PKD2L2: variants seen among roughly 807,000 people sequenced by gnomAD.
PKD2L2 encodes polycystin-2-like protein 2.
In PKD2L2, 67 loss-of-function variants were observed where a neutral mutation model predicts 83.9. The observed-to-expected ratio is 0.80, with a 90% CI of 0.66 to 0.98. PKD2L2 has a LOEUF of 0.98. PKD2L2 is among the 50% of genes least tolerant of loss of function. The pLI, the probability that PKD2L2 is intolerant of heterozygous loss-of-function variation, is 0.00. For synonymous variants in PKD2L2, 223 were observed against 237.8 expected (o/e 0.94, Z 0.57); for missense variants, 632 against 717.2 (o/e 0.88, Z 1.36).
chr5:137,933,701 T>G (rs1169144392), intron 12 of PKD2L2, among the ~76,000 whole-genome samples: 9 of 152,192 alleles, frequency 5.9e-5, no homozygotes, highest in Admixed American at 1.3e-4. Flanking sequence ...TTTAACAGAA[T>G]GCTGTGGTTT....
chr5:137,894,135 ATGCTTGTAAAG>A (rs982667742), intron 3 of PKD2L2, among the ~76,000 whole-genome samples: 1 of 152,230 alleles, frequency 6.6e-6, no homozygotes, highest in African/African-American at 2.4e-5. Flanking sequence ...CCATAAGTTA[ATGCTTGTAAAG>A]TGCTTAGAGC....
chr5:137,921,710 C>T lies in PKD2L2; in HGVS notation c.1403C>T (p.Pro468Leu), dbSNP rs778890742. 2.5e-6 allele frequency: 4 copies of T among 1,608,430 alleles called. No individual in the cohort carries two copies. Among genetic ancestry groups the T allele is most frequent in the Non-Finnish European group, 3.4e-6 (4 of 1,175,808 alleles). ...GIQQANPILG[P>L]IYFITFIFFV... ...CAGCAAGCCAATCCTATCTTGGGAC[C>T]CATTTACTTCATCACTTTCATCTTT... Residue 468 changes from proline (P) to leucine (L), a missense_variant, in exon 9 of 15, where the codon CCC (proline) becomes CTC (leucine). By Grantham distance (98) the Pro-to-Leu change is moderately conservative. Around this residue, in one of 3 missense-constraint regions of PKD2L2, gnomAD observed 399 missense variants for 416.9 expected, o/e 0.96. Transcript: ENST00000508883.
At chr5:137,918,350 GAGA>G (rs1758568216) in intron 8 of PKD2L2, among the ~76,000 whole-genome samples, 1 of 152,170 alleles carries the variant, frequency 6.6e-6, no homozygotes, top group African/African-American at 2.4e-5. Context: ...AAAAGGAAAA[GAGA>G]AGAATAAAGT....
At chr5:137,908,540 G>A (rs1279065482) in intron 7 of PKD2L2, among the ~76,000 whole-genome samples, 2 of 151,402 alleles carry the variant, frequency 1.3e-5, no homozygotes, top group Non-Finnish European at 2.9e-5. Context: ...GCAGTGAGCC[G>A]AGATCATGCC....
At chr5:137,925,735 A>G in intron 11 of PKD2L2, 140 bp from the exon 12 acceptor site, 1 of 527,000 alleles carries the variant, frequency 1.9e-6, no homozygotes, top group Non-Finnish European at 3.4e-6. Flanking sequence ...GAGCTTGTTA[A>G]TGATCACATT....
At chr5:137,927,517 T>C (rs1759473594) in intron 12 of PKD2L2, among the ~76,000 whole-genome samples, 1 of 152,196 alleles carries the variant, frequency 6.6e-6, no homozygotes, top group Non-Finnish European at 1.5e-5. Flanking sequence ...AAAGGCATCA[T>C]TGGGGCAACT....
chr5:137,906,260 C>T lies in PKD2L2; in HGVS notation c.801C>T (p.Tyr267=). The change falls in exon 6 of 15, where the codon TAC becomes TAT. Residue 267 remains tyrosine, a synonymous_variant. Coordinates refer to ENST00000508883, the MANE Select transcript of PKD2L2 (RefSeq NM_001300921.2). ...GAATACTTACTTCATGGCAGTTTTACTCTGTGAAGCTCCTCAGATATGTTA... is the reference window on the plus strand; with the variant it reads ...GAATACTTACTTCATGGCAGTTTTATTCTGTGAAGCTCCTCAGATATGTTA... ...TGGILTSWQF[Y]SVKLLRYVSY... 1 of 1,612,482 alleles carries T rather than the reference C, an allele frequency of 6.2e-7. No individual in the cohort carries two copies. The highest frequency in any genetic ancestry group is 8.5e-7 in the Non-Finnish European group (1 of 1,178,818).
rs1002013057 is a variant in PKD2L2 at position 137,899,460 on chromosome 5, G to A, written c.525-56G>A. 3.2e-5 allele frequency: 38 copies of A among 1,171,152 alleles called. No homozygotes were observed. The Admixed American group carries it at 7.2e-4, about 22-fold the overall frequency. The allele number at this position is 1,171,152 out of a possible 1,614,324, so 72.5% of individuals were successfully genotyped here. A position where few individuals can be genotyped will look rare whatever the true frequency, so the allele number is the denominator to read the frequency against. ...AACCAAAGATCGATTTAAATTCTTAGAATACTTCTCAGTTGGGCTTTGTCA... is the reference window on the plus strand; with the variant it reads ...AACCAAAGATCGATTTAAATTCTTAAAATACTTCTCAGTTGGGCTTTGTCA... On this transcript the variant is annotated intron_variant, in intron 4 of 14. Transcript: ENST00000508883.
intron 12 of PKD2L2, among the ~76,000 whole-genome samples, chr5:137,928,383 C>CAAAAAAAAAAAA (rs57825667): frequency 9.0e-6 from 1 of 111,492 alleles, no homozygotes; most frequent in African/African-American, 3.4e-5. Flanking sequence ...ACAAAAAGTA[C>CAAAAAAAAAAAA]AAAAAAAAAA....
Position 137,908,915 on chromosome 5 carries a change from G to A in PKD2L2, c.1297G>A (p.Val433Ile), listed in dbSNP as rs201043281. The change falls in exon 8 of 15, where the codon GTT (valine) becomes ATT (isoleucine). Residue 433 changes from valine to isoleucine, a missense_variant. Physicochemically the swap from Val to Ile is conservative, Grantham distance 29. Coordinates refer to ENST00000508883, the MANE Select transcript of PKD2L2 (RefSeq NM_001300921.2). Reference sequence around the variant, plus strand: ...AGGATTTCTTGTTTTTGGATCACAAGTTGATGACTTTTCCACTTTTCAGAA... The same window carrying A: ...AGGATTTCTTGTTTTTGGATCACAAATTGATGACTTTTCCACTTTTCAGAA... ...QLGFLVFGSQ[V>I]DDFSTFQNSI... 215 of 1,608,198 alleles carry A rather than the reference G, an allele frequency of 1.3e-4. No homozygotes were observed. The African/African-American group carries it at 2.4e-3, about 18-fold the overall frequency.
intron 8 of PKD2L2, among the ~76,000 whole-genome samples, chr5:137,909,190 G>A (rs893598202): frequency 6.6e-6 from 1 of 151,816 alleles, no homozygotes. Context: ...GCACCACCAC[G>A]CTTGGTTGAT....
intron 12 of PKD2L2, among the ~76,000 whole-genome samples, chr5:137,933,339 G>A (rs1222752798): frequency 6.6e-6 from 1 of 152,136 alleles, no homozygotes; most frequent in Non-Finnish European, 1.5e-5. Flanking sequence ...TAAAAAGGGA[G>A]AAGCAAAGTC....
chr5:137,921,350 G>C (rs1758878635), intron 8 of PKD2L2, among the ~76,000 whole-genome samples: 1 of 118,766 alleles, frequency 8.4e-6, no homozygotes, highest in Admixed American at 9.9e-5. Flanking sequence ...GACAGAGTTT[G>C]ACTGTCTCAA....
intron 5 of PKD2L2, 102 bp from the exon 6 acceptor site, chr5:137,906,104 T>A: frequency 1.5e-6 from 1 of 667,600 alleles, no homozygotes. Context: ...AAAAACTGAT[T>A]ATCATTAAAG....
At chr5:137,934,785 C>G (rs1470013609) in intron 12 of PKD2L2, among the ~76,000 whole-genome samples, 1 of 152,116 alleles carries the variant, frequency 6.6e-6, no homozygotes, top group Non-Finnish European at 1.5e-5. Flanking sequence ...TAAGATTGTG[C>G]CACTGCACTG....
At position 137,942,270 on chromosome 5, in the gene PKD2L2, A is replaced by G. The variant is rs1424763772; in HGVS notation, c.*18-114A>G. The stretch of plus-strand genomic sequence containing the variant: ...GGGCTCAGAACCAGTGACATACACC[A>G]TATCATCCAAAGGTAAAGAAGTGGA... On this transcript the variant is annotated intron_variant, in intron 14 of 14. Coordinates refer to ENST00000508883, the MANE Select transcript of PKD2L2 (RefSeq NM_001300921.2). 23 of 537,088 alleles carry G rather than the reference A, an allele frequency of 4.3e-5. No homozygotes were observed. In the East Asian group the frequency reaches 4.7e-4, roughly 11 times the overall value. The allele number at this position is 537,088 out of a possible 1,614,324, so 33.3% of individuals were successfully genotyped here.
intron 5 of PKD2L2, among the ~76,000 whole-genome samples, chr5:137,900,997 C>T (rs1303290216): frequency 2.0e-5 from 3 of 151,850 alleles, no homozygotes; most frequent in African/African-American, 2.4e-5. Context: ...ATTAGCCGGG[C>T]GTGGTGGCAC....
In PKD2L2 at chr5:137,921,772, A is replaced by G. The variant is rs1561698635; in HGVS notation, c.1449+16A>G. The G allele has an allele frequency of 3.2e-6, 5 of 1,543,798 alleles. No homozygotes were observed. The highest frequency in any genetic ancestry group is 3.4e-4 in the Middle Eastern group (2 of 5,882). Reference sequence around the variant, plus strand: ...TGTCCTGCTGGTAAGAATAATACATATTCCTTTCATTTCTTACTTTTTAGA... The same window carrying G: ...TGTCCTGCTGGTAAGAATAATACATGTTCCTTTCATTTCTTACTTTTTAGA... On this transcript the variant is annotated intron_variant, in intron 9 of 14. Transcript: ENST00000508883.
At chr5:137,903,068 T>C (rs1757094471) in intron 5 of PKD2L2, among the ~76,000 whole-genome samples, 2 of 152,196 alleles carry the variant, frequency 1.3e-5, no homozygotes, top group South Asian at 4.1e-4. Flanking sequence ...TTTACAGAGT[T>C]CAGTTGATCC....
Sources: allele counts gnomAD v4.1 joint callset (sites outside exome capture counted in the v4.1 genomes callset), GRCh38; gene constraint gnomAD v4.1.1; regional missense constraint gnomAD v4.1.1; transcripts MANE v1.5; gene names NCBI Gene and HGNC (gene_info 2026-07-23, HGNC 2026-07-21).